FAM168A: variants seen among roughly 807,000 people sequenced by gnomAD.
FAM168A encodes the protein family with sequence similarity 168 member A, also known as protein FAM168A.
A neutral mutation model predicts 28.5 loss-of-function variants in FAM168A; 3 were observed. The ratio of observed to expected loss-of-function variants is 0.11; its 90% CI spans 0.05 to 0.27. The LOEUF (loss-of-function observed/expected upper bound fraction) is 0.27, where lower values mean the gene tolerates loss of function less well. FAM168A is among the 10% of genes least tolerant of loss of function. The pLI is 1.00. For synonymous variants in FAM168A, 122 were observed against 124.2 expected (o/e 0.98, Z 0.12); for missense variants, 222 against 311.5 (o/e 0.71, Z 2.16).
At chr11:73,527,777 AC>A (rs1943466328) in intron 1 of FAM168A, among the ~76,000 whole-genome samples, 1 of 152,076 alleles carries the variant, frequency 6.6e-6, no homozygotes, top group African/African-American at 2.4e-5. Context: ...AAATGACAAA[AC>A]GAAAAAAAAA....
In FAM168A at chr11:73,502,147, A is replaced by C. The variant is rs558943823; in HGVS notation, c.-18-33655T>G. On this transcript the variant is annotated intron_variant, in intron 1 of 7. Transcript: ENST00000356467. ...TAGCAGAAGACAAGAAATAACTAAG[A>C]TCAGAGAAGAACTGCAGGAGCTAGA... Among the ~76,000 whole-genome samples, 38 of 151,720 alleles carry C rather than the reference A, an allele frequency of 2.5e-4. 2 individuals are homozygous for C. In the South Asian group the frequency reaches 7.9e-3, roughly 32 times the overall value.
chr11:73,488,642 T>A (rs753714188), intron 1 of FAM168A, among the ~76,000 whole-genome samples: 2 of 152,042 alleles, frequency 1.3e-5, no homozygotes, highest in African/African-American at 4.8e-5. Context: ...TCTTAACTTC[T>A]CTCCTATCAC....
At chr11:73,580,452 A>G in intron 1 of FAM168A, 1 of 620,836 alleles carries the variant, frequency 1.6e-6, no homozygotes, top group Non-Finnish European at 3.1e-6. Context: ...GATGGGGATA[A>G]CCCTACAGAA....
At chr11:73,416,859 T>C (rs943753623) in intron 4 of FAM168A, among the ~76,000 whole-genome samples, 2 of 152,004 alleles carry the variant, frequency 1.3e-5, no homozygotes, top group African/African-American at 2.4e-5. Flanking sequence ...GGAGGGAGGA[T>C]TGCTTGAGCC....
chr11:73,481,570 T>C (rs1363412938), intron 1 of FAM168A, among the ~76,000 whole-genome samples: 1 of 152,104 alleles, frequency 6.6e-6, no homozygotes, highest in African/African-American at 2.4e-5. Flanking sequence ...ATCCTCAGAG[T>C]CTCTCTTTAA....
chr11:73,550,711 G>A (rs1437940739), intron 1 of FAM168A, among the ~76,000 whole-genome samples: 1 of 151,752 alleles, frequency 6.6e-6, no homozygotes, highest in South Asian at 2.1e-4. Context: ...GAGGGTGAGA[G>A]GGTGTCCCAA....
intron 1 of FAM168A, among the ~76,000 whole-genome samples, chr11:73,572,666 G>C (rs1419285568): frequency 6.7e-6 from 1 of 149,556 alleles, no homozygotes; most frequent in Non-Finnish European, 1.5e-5. Context: ...TTAAACAGAT[G>C]CTTGAAGGCA....
chr11:73,591,000 C>T (rs566887898), intron 1 of FAM168A, among the ~76,000 whole-genome samples: 37 of 152,082 alleles, frequency 2.4e-4, no homozygotes, highest in Non-Finnish European at 4.9e-4. Context: ...AACAATTAGC[C>T]GGGCATGGTG....
Position 73,508,046 on chromosome 11 carries a change from T to C in FAM168A, c.-18-39554A>G, listed in dbSNP as rs540858865. 4.1e-4 allele frequency among the ~76,000 whole-genome samples: 63 copies of C among 152,334 alleles called. 1 individual carries two copies. Among genetic ancestry groups the C allele is most frequent in the African/African-American group, 1.4e-3 (60 of 41,582 alleles). ...ATAATTAATTGTGTAATCTTGGGCA[T>C]AGTTACTTAACCTCTTTGGGTCTTA... On this transcript the variant is annotated intron_variant, in intron 1 of 7. Transcript: ENST00000356467.
chr11:73,433,592 A>T (rs1298451867), intron 2 of FAM168A, among the ~76,000 whole-genome samples: 2 of 152,086 alleles, frequency 1.3e-5, no homozygotes, highest in Admixed American at 6.5e-5. Flanking sequence ...ATAGTTATAT[A>T]TTCTACTTTT....
At chr11:73,546,638 A>G (rs894747574) in intron 1 of FAM168A, among the ~76,000 whole-genome samples, 5 of 151,726 alleles carry the variant, frequency 3.3e-5, no homozygotes, top group African/African-American at 1.2e-4. Context: ...AGGCTGAGGC[A>G]GGAGAATTGC....
intron 1 of FAM168A, among the ~76,000 whole-genome samples, chr11:73,595,715 T>C (rs928592358): frequency 2.0e-5 from 3 of 152,214 alleles, no homozygotes; most frequent in Non-Finnish European, 2.9e-5. Flanking sequence ...GGAGATGCTG[T>C]TTCTGTAGTT....
chr11:73,429,906 C>A (rs1866953795), intron 3 of FAM168A, among the ~76,000 whole-genome samples: 1 of 152,196 alleles, frequency 6.6e-6, no homozygotes, highest in South Asian at 2.1e-4. Flanking sequence ...ATCCACAACC[C>A]TGAGGCAGGT....
Position 73,411,504 on chromosome 11 carries a change from G to A in FAM168A, c.310C>T (p.Pro104Ser), listed in dbSNP as rs1342140262. Residue 104 changes from proline (P) to serine (S), a missense_variant, in exon 5 of 8, where the codon CCG (proline) becomes TCG (serine). Coordinates refer to ENST00000356467, the MANE Select transcript of FAM168A (RefSeq NM_015159.3). ...GGTGGAGCAGTGTTACTCTGGGTCG[G>A]TGGGACCTTGTATGGTGTCCCCGCA... The part of the protein sequence containing the change: ...YTAGTPYKVP[P>S]TQSNTAPPPY... 2 of 1,613,928 alleles carry A rather than the reference G, an allele frequency of 1.2e-6. No homozygotes were observed. The highest frequency in any genetic ancestry group is 1.3e-5 in the African/African-American group (1 of 74,890).
At position 73,563,771 on chromosome 11, in the gene FAM168A, T is replaced by C. The variant is rs186340597; in HGVS notation, c.-19+34152A>G. Among the ~76,000 whole-genome samples the C allele has an allele frequency of 1.2e-3, 177 of 152,302 alleles. 1 individual carries two copies. Among genetic ancestry groups the C allele is most frequent in the African/African-American group, 4.1e-3 (169 of 41,558 alleles). On this transcript the variant is annotated intron_variant, in intron 1 of 7. Transcript: ENST00000356467. Reference sequence around the variant, plus strand: ...AGAAAGACTAAGTCATAGAGTTCAATCATTTACCCAATTAACAAATACTAG... The same window carrying C: ...AGAAAGACTAAGTCATAGAGTTCAACCATTTACCCAATTAACAAATACTAG...
At chr11:73,454,057 C>A (rs1432055118) in intron 2 of FAM168A, among the ~76,000 whole-genome samples, 1 of 152,144 alleles carries the variant, frequency 6.6e-6, no homozygotes, top group African/African-American at 2.4e-5. Flanking sequence ...ATGTCAGAAG[C>A]TCCAGAGAAA....
At chr11:73,455,379 C>CTCATT (rs1259228549) in intron 2 of FAM168A, among the ~76,000 whole-genome samples, 1 of 152,238 alleles carries the variant, frequency 6.6e-6, no homozygotes, top group Non-Finnish European at 1.5e-5. Context: ...TGAGGCACCC[C>CTCATT]TGTCGCAAGT....
At chr11:73,549,553 T>A (rs1379329810) in intron 1 of FAM168A, among the ~76,000 whole-genome samples, 1 of 152,188 alleles carries the variant, frequency 6.6e-6, no homozygotes, top group Non-Finnish European at 1.5e-5. Flanking sequence ...CTAAATTCTG[T>A]GTGTTCCCGG....
chr11:73,476,807 T>C (rs1867894827), intron 1 of FAM168A, among the ~76,000 whole-genome samples: 1 of 152,162 alleles, frequency 6.6e-6, no homozygotes, highest in Non-Finnish European at 1.5e-5. Flanking sequence ...AAATGAATCA[T>C]TCAAGAGAGG....
Sources: allele counts gnomAD v4.1 joint callset (sites outside exome capture counted in the v4.1 genomes callset), GRCh38; gene constraint gnomAD v4.1.1; transcripts MANE v1.5; gene names NCBI Gene and HGNC (gene_info 2026-07-23, HGNC 2026-07-21).